CRACDL: variants seen among roughly 807,000 people sequenced by gnomAD.
CRACDL encodes CRACD-like protein.
Under a neutral mutation model 70.6 loss-of-function variants are expected in CRACDL, and 26 were observed. The ratio of observed to expected loss-of-function variants is 0.37; its 90% CI spans 0.27 to 0.51. CRACDL has a LOEUF of 0.51. Ranked by LOEUF, CRACDL falls within the 20% of genes least tolerant of loss-of-function variation. The pLI, the probability that CRACDL is intolerant of heterozygous loss-of-function variation, is 0.94. For missense variants in CRACDL, 1,283 were observed against 1,376.9 expected, an observed-to-expected ratio of 0.93 and a Z score of 1.08; for synonymous variants, 618 against 615.2, an observed-to-expected ratio of 1.00 and a Z score of -0.07.
chr2:98,932,263 C>T (rs1356273400), intron 1 of CRACDL, among the ~76,000 whole-genome samples: 1 of 152,206 alleles, frequency 6.6e-6, no homozygotes, highest in Admixed American at 6.5e-5. Context: ...GCCGGCCTGT[C>T]TCCCTTTCAA....
chr2:98,904,680 T>A (rs995110500), intron 1 of CRACDL, among the ~76,000 whole-genome samples: 10 of 152,206 alleles, frequency 6.6e-5, no homozygotes, highest in Non-Finnish European at 1.3e-4. Context: ...AACAAAACCA[T>A]GTGGGCCCCC....
chr2:98,868,325 G>A (rs146483563), intron 1 of CRACDL, among the ~76,000 whole-genome samples: 103 of 152,176 alleles, frequency 6.8e-4, no homozygotes, highest in Non-Finnish European at 6.9e-4. Context: ...AAGACCGTTC[G>A]CCCAGCTCAA....
chr2:98,887,266 T>C (rs935055439), intron 1 of CRACDL, among the ~76,000 whole-genome samples: 1 of 152,182 alleles, frequency 6.6e-6, no homozygotes, highest in African/African-American at 2.4e-5. Context: ...GGCAGGAGAA[T>C]TGCTGGTCAG....
intron 1 of CRACDL, among the ~76,000 whole-genome samples, chr2:98,855,215 G>A (rs1446398305): frequency 6.6e-6 from 1 of 151,872 alleles, no homozygotes; most frequent in African/African-American, 2.4e-5. Flanking sequence ...GGACTTGGGA[G>A]GCAGAAGTTA....
intron 1 of CRACDL, among the ~76,000 whole-genome samples, chr2:98,908,051 C>T (rs1420271943): frequency 2.6e-5 from 4 of 152,248 alleles, no homozygotes; most frequent in Non-Finnish European, 5.9e-5. Flanking sequence ...TCATCTCCGA[C>T]GTCAGGTAGA....
chr2:98,842,253 A>G (rs1706061418), intron 2 of CRACDL, among the ~76,000 whole-genome samples: 1 of 151,818 alleles, frequency 6.6e-6, no homozygotes, highest in Admixed American at 6.6e-5. Flanking sequence ...CCTGTGATCT[A>G]TCTTGAGCTG....
At chr2:98,931,504 C>T (rs1709077323) in intron 1 of CRACDL, among the ~76,000 whole-genome samples, 1 of 152,086 alleles carries the variant, frequency 6.6e-6, no homozygotes, top group African/African-American at 2.4e-5. Flanking sequence ...GTGCTTCCCA[C>T]AGACATGAGA....
chr2:98,838,140 T>C lies in CRACDL; in HGVS notation c.218A>G (p.Tyr73Cys). The C allele has an allele frequency of 6.2e-7, 1 of 1,610,448 alleles. No homozygotes were observed. Among genetic ancestry groups the C allele is most frequent in the Non-Finnish European group, 8.5e-7 (1 of 1,178,558 alleles). The change falls in exon 3 of 10, where the codon TAC becomes TGC. Residue 73 changes from tyrosine to cysteine, a missense_variant. Around this residue, in one of 2 missense-constraint regions of CRACDL, gnomAD observed 362 missense variants for 495.0 expected, o/e 0.73. Transcript: ENST00000397899. ...TTACTCCAGCTCATCCTCGGAGTCGTAGCCCACTGGCCCGGATTCGATGGC... is the reference window on the plus strand; with the variant it reads ...TTACTCCAGCTCATCCTCGGAGTCGCAGCCCACTGGCCCGGATTCGATGGC... ...VIAIESGPVG[Y>C]DSEDELEESR...
intron 5 of CRACDL, among the ~76,000 whole-genome samples, chr2:98,830,481 T>G (rs1705495338): frequency 6.6e-6 from 1 of 152,076 alleles, no homozygotes; most frequent in Non-Finnish European, 1.5e-5. Context: ...TTTTAAAGGG[T>G]GTGTTGTTTT....
chr2:98,839,550 T>C (rs1705930941), intron 2 of CRACDL, among the ~76,000 whole-genome samples: 1 of 152,262 alleles, frequency 6.6e-6, no homozygotes, highest in Non-Finnish European at 1.5e-5. Context: ...TCAAAAATGC[T>C]GCTTACAGCA....
intron 7 of CRACDL, 81 bp downstream of exon 7, chr2:98,821,776 T>C: frequency 4.6e-6 from 7 of 1,511,684 alleles, no homozygotes; most frequent in South Asian, 1.3e-5. Flanking sequence ...CAGGAGCATT[T>C]GGCGAGTGTC....
At chr2:98,918,443 G>A (rs986268507) in intron 1 of CRACDL, among the ~76,000 whole-genome samples, 6 of 150,224 alleles carry the variant, frequency 4.0e-5, no homozygotes, top group African/African-American at 1.5e-4. Flanking sequence ...TGAGGCCCAG[G>A]CTGAGAATTG....
chr2:98,922,158 G>A (rs1046907682), intron 1 of CRACDL, among the ~76,000 whole-genome samples: 2 of 151,892 alleles, frequency 1.3e-5, no homozygotes, highest in African/African-American at 4.8e-5. Context: ...TAAAATAGCC[G>A]GGCACGGTGG....
chr2:98,855,503 T>G (rs1706663432), intron 1 of CRACDL, among the ~76,000 whole-genome samples: 1 of 152,062 alleles, frequency 6.6e-6, no homozygotes, highest in South Asian at 2.1e-4. Context: ...TTCTGTAAAT[T>G]TGGTATTATA....
chr2:98,921,114 C>T (rs1039507624), intron 1 of CRACDL, among the ~76,000 whole-genome samples: 1 of 152,246 alleles, frequency 6.6e-6, no homozygotes, highest in African/African-American at 2.4e-5. Flanking sequence ...CCGATCCTCT[C>T]TCCCTTGGGA....
chr2:98,817,315 ATTGTACATTTTAAAATT>A (rs1227036085), intron 7 of CRACDL, among the ~76,000 whole-genome samples: 1 of 152,178 alleles, frequency 6.6e-6, no homozygotes, highest in Non-Finnish European at 1.5e-5. Context: ...ACAATACTGC[ATTGTACATTTTAAAATT>A]TAAGAGGGTC....
chr2:98,921,659 T>C (rs1708805007), intron 1 of CRACDL, among the ~76,000 whole-genome samples: 1 of 152,206 alleles, frequency 6.6e-6, no homozygotes, highest in Non-Finnish European at 1.5e-5. Flanking sequence ...TATCCATCTC[T>C]TGGTAATCCC....
chr2:98,832,834 C>G (rs745910736), intron 4 of CRACDL, 28 bp downstream of exon 4: 2 of 1,612,668 alleles, frequency 1.2e-6, no homozygotes, highest in East Asian at 4.5e-5. Context: ...ACTTGCACAC[C>G]AGGCGACATG....
At chr2:98,795,687 C>G (rs187190623) in intron 9 of CRACDL, among the ~76,000 whole-genome samples, 9 of 152,110 alleles carry the variant, frequency 5.9e-5, no homozygotes, top group African/African-American at 2.2e-4. Context: ...ACAGTTGTCC[C>G]CTGGTGTATG....
Sources: allele counts gnomAD v4.1 joint callset (sites outside exome capture counted in the v4.1 genomes callset), GRCh38; gene constraint gnomAD v4.1.1; regional missense constraint gnomAD v4.1.1; transcripts MANE v1.5; gene names NCBI Gene and HGNC (gene_info 2026-07-23, HGNC 2026-07-21).